The following ATP8A1 variants were observed in gnomAD, a reference collection of about 807,000 sequenced individuals.
ATP8A1 encodes the protein phospholipid-transporting ATPase IA.
In ATP8A1, 90 loss-of-function variants were observed where a neutral mutation model predicts 177.7. The observed-to-expected ratio is 0.51, with a 90% CI of 0.43 to 0.60. ATP8A1 has a LOEUF of 0.60. ATP8A1 is among the 20% of genes least tolerant of loss of function. The probability of loss-of-function intolerance (pLI) is 0.00; values close to 1 mark genes in which losing one functional copy is unlikely to be tolerated. For missense variants in ATP8A1, 1,072 were observed against 1,392.8 expected (o/e 0.77, Z 3.67); for synonymous variants, 493 against 485.9 (o/e 1.01, Z -0.19).
chr4:42,588,958 A>C (rs1733894624), intron 7 of ATP8A1, among the ~76,000 whole-genome samples: 1 of 152,224 alleles, frequency 6.6e-6, no homozygotes, highest in South Asian at 2.1e-4. Flanking sequence ...AAGTTGCTTG[A>C]GAGATTCTCA....
intron 1 of ATP8A1, among the ~76,000 whole-genome samples, chr4:42,648,635 T>C (rs944069306): frequency 1.4e-4 from 22 of 151,736 alleles, no homozygotes; most frequent in African/African-American, 5.3e-4. Context: ...AAATATGACA[T>C]TAAAGCAGAA....
intron 27 of ATP8A1, 37 bp downstream of exon 27, chr4:42,464,653 G>T: frequency 8.1e-7 from 1 of 1,230,598 alleles, no homozygotes; most frequent in Non-Finnish European, 1.1e-6. Flanking sequence ...AAATATGTAT[G>T]CAAATGACAA....
chr4:42,627,523 C>T (rs536793552), intron 1 of ATP8A1, among the ~76,000 whole-genome samples: 1 of 152,248 alleles, frequency 6.6e-6, no homozygotes, highest in South Asian at 2.1e-4. Flanking sequence ...TGGGTTTTTT[C>T]CCAGATGAAG....
chr4:42,483,425 C>T (rs964428158), intron 25 of ATP8A1, among the ~76,000 whole-genome samples: 16 of 150,828 alleles, frequency 1.1e-4, no homozygotes, highest in Non-Finnish European at 1.5e-4. Context: ...TCAGTGTCTG[C>T]GTAGGGACCT....
intron 6 of ATP8A1, among the ~76,000 whole-genome samples, chr4:42,600,211 G>A (rs74614151): frequency 0.011 from 1,702 of 151,948 alleles, 32 homozygotes; most frequent in African/African-American, 0.039. Flanking sequence ...AACAGTTCAT[G>A]GTTAAATAAA....
At chr4:42,574,777 T>C in intron 13 of ATP8A1, 70 bp from the exon 14 acceptor site, 1 of 1,051,610 alleles carries the variant, frequency 9.5e-7, no homozygotes, top group Non-Finnish European at 1.4e-6. Flanking sequence ...GAGAAACCCC[T>C]CATGCTTTTT....
At chr4:42,435,456 A>AAAAAAAAAAAAAAAAAAAAAAC (rs1560320569) in intron 33 of ATP8A1, among the ~76,000 whole-genome samples, 2 of 101,012 alleles carry the variant, frequency 2.0e-5, no homozygotes, top group African/African-American at 6.4e-5. Context: ...AAAACAAAAA[A>AAAAAAAAAAAAAAAAAAAAAAC]AAAAAAACAA....
Position 42,625,703 on chromosome 4 carries a change from AT to A in ATP8A1, c.174del (p.Lys58AsnfsTer4), listed in dbSNP as rs1373514705. 6.3e-7 allele frequency: 1 copy of A among 1,595,904 alleles called. No homozygotes were observed. The highest frequency in any genetic ancestry group is 2.3e-5 in the East Asian group (1 of 44,324). On this transcript the variant is annotated frameshift_variant, in exon 3 of 37. Coordinates refer to ENST00000381668, the MANE Select transcript of ATP8A1 (RefSeq NM_006095.2). LOFTEE classifies it high-confidence loss of function. ...CTTGGAAGGAATGTGATTATGTTGT[AT>A]TTTGCAGTGCTAGAAAACAAAAATG... ...KFCNNHVSTA[K>X]YNIITFLPRF...
chr4:42,641,214 GA>G (rs1221485523), intron 1 of ATP8A1, among the ~76,000 whole-genome samples: 1 of 152,142 alleles, frequency 6.6e-6, no homozygotes, highest in Non-Finnish European at 1.5e-5. Flanking sequence ...TGAATAAGTT[GA>G]AGGTTCTATA....
At chr4:42,461,482 T>G (rs1426856153) in intron 27 of ATP8A1, among the ~76,000 whole-genome samples, 2 of 152,120 alleles carry the variant, frequency 1.3e-5, no homozygotes, top group Non-Finnish European at 2.9e-5. Context: ...CCTGCACAAG[T>G]TCTCTTGCTT....
At chr4:42,586,590 A>C in intron 8 of ATP8A1, 114 bp from the exon 9 acceptor site, 2 of 1,032,828 alleles carry the variant, frequency 1.9e-6, no homozygotes, top group Non-Finnish European at 2.8e-6. Context: ...CATTATTTTT[A>C]TAAGCAATTC....
chr4:42,614,665 G>C (rs924831580), intron 5 of ATP8A1, among the ~76,000 whole-genome samples: 1 of 152,218 alleles, frequency 6.6e-6, no homozygotes, highest in African/African-American at 2.4e-5. Context: ...AATCCCCTTG[G>C]CTTAGCCTTC....
chr4:42,581,299 A>C (rs1577637377), intron 10 of ATP8A1, among the ~76,000 whole-genome samples: 2 of 152,160 alleles, frequency 1.3e-5, no homozygotes, highest in East Asian at 3.9e-4. Context: ...ACGCCCGGCT[A>C]ATTTTTTGTA....
intron 1 of ATP8A1, among the ~76,000 whole-genome samples, chr4:42,642,720 C>T (rs1740133019): frequency 6.6e-6 from 1 of 152,178 alleles, no homozygotes; most frequent in Non-Finnish European, 1.5e-5. Context: ...TCACTCCATG[C>T]AGTAAGTACC....
At chr4:42,597,971 T>G (rs999627087) in intron 6 of ATP8A1, among the ~76,000 whole-genome samples, 6 of 152,248 alleles carry the variant, frequency 3.9e-5, no homozygotes, top group Admixed American at 3.9e-4. Context: ...CTGTCAAGTT[T>G]TCCTATTTAT....
chr4:42,482,848 T>G (rs1289493463), intron 25 of ATP8A1, among the ~76,000 whole-genome samples: 2 of 152,120 alleles, frequency 1.3e-5, no homozygotes. Context: ...TCTGCATGTG[T>G]GTGGAATGAC....
chr4:42,455,886 T>C (rs1050946065), intron 27 of ATP8A1, among the ~76,000 whole-genome samples: 3 of 152,210 alleles, frequency 2.0e-5, no homozygotes, highest in African/African-American at 7.2e-5. Flanking sequence ...TTCTTAACGG[T>C]ACTTTCAGAG....
At chr4:42,457,982 AT>A (rs1353312709) in intron 27 of ATP8A1, among the ~76,000 whole-genome samples, 1 of 152,254 alleles carries the variant, frequency 6.6e-6, no homozygotes, top group East Asian at 1.9e-4. Context: ...AAGGGTTAAC[AT>A]TTTAATTTAT....
chr4:42,516,640 C>T (rs914393216), intron 22 of ATP8A1, among the ~76,000 whole-genome samples: 3 of 152,050 alleles, frequency 2.0e-5, no homozygotes, highest in Non-Finnish European at 4.4e-5. Context: ...TAAACATTTT[C>T]AAAAAATTAT....
Sources: gnomAD v4.1 joint callset for allele counts (sites outside exome capture counted in the v4.1 genomes callset) on GRCh38, gnomAD v4.1.1 for gene constraint, MANE v1.5 for transcripts, NCBI Gene and HGNC (gene_info 2026-07-23, HGNC 2026-07-21) for gene names.